Variants in ARNT observed in about 807,000 individuals in gnomAD.
ARNT encodes the protein class E basic helix-loop-helix protein 2.
A neutral mutation model predicts 105.0 loss-of-function variants in ARNT; 30 were observed. The ratio of observed to expected loss-of-function variants is 0.29; its 90% CI spans 0.21 to 0.39. The LOEUF is 0.39. Ranked by LOEUF, ARNT falls within the 10% of genes least tolerant of loss-of-function variation. The probability of loss-of-function intolerance (pLI) is 1.00; values close to 1 mark genes in which losing one functional copy is unlikely to be tolerated. For synonymous variants in ARNT, 304 were observed against 344.0 expected, an observed-to-expected ratio of 0.88 and a Z score of 1.29; for missense variants, 748 against 978.7, an observed-to-expected ratio of 0.76 and a Z score of 3.15.
At chr1:150,859,084 T>TAA (rs139536635) in intron 1 of ARNT, among the ~76,000 whole-genome samples, 1 of 151,440 alleles carries the variant, frequency 6.6e-6, no homozygotes, top group Non-Finnish European at 1.5e-5. Flanking sequence ...TATACTAATT[T>TAA]TAAAAAAATA....
chr1:150,828,640 C>T (rs747677643), intron 12 of ARNT, among the ~76,000 whole-genome samples: 29 of 152,040 alleles, frequency 1.9e-4, no homozygotes, highest in African/African-American at 3.1e-4. Flanking sequence ...GAAGTCCTTC[C>T]GACCCACAAC....
At position 150,839,600 on chromosome 1, in the gene ARNT, G is replaced by A. The variant is rs779385419; in HGVS notation, c.327C>T (p.Ile109=). The A allele has an allele frequency of 6.2e-6, 10 of 1,614,192 alleles. No homozygotes were observed. The highest frequency in any genetic ancestry group is 6.8e-6 in the Non-Finnish European group (8 of 1,180,032). Residue 109 remains isoleucine (I), a synonymous_variant, in exon 6 of 22, where the codon ATC becomes ATT. Coordinates refer to ENST00000358595, the MANE Select transcript of ARNT (RefSeq NM_001668.4). ...TGGGTACCATATCTGACAGTTCTGT[G>A]ATGTAGGCTGTCATCTTGTTCCGTC... ...RRRRNKMTAY[I]TELSDMVPTC...
At chr1:150,871,907 C>CA (rs776523588) in intron 1 of ARNT, among the ~76,000 whole-genome samples, 25,503 of 40,032 alleles carry the variant, frequency 0.64, 8,242 homozygotes, top group Middle Eastern at 0.82. Flanking sequence ...GACCCTGTCT[C>CA]AAAAAAAAAA....
At chr1:150,822,318 C>A (rs893966288) in intron 14 of ARNT, among the ~76,000 whole-genome samples, 10 of 152,106 alleles carry the variant, frequency 6.6e-5, no homozygotes, top group African/African-American at 2.4e-4. Flanking sequence ...CCCTAGGTAG[C>A]TTCAAGATGG....
chr1:150,813,646 T>A (rs1223315197), intron 20 of ARNT, among the ~76,000 whole-genome samples: 1 of 152,192 alleles, frequency 6.6e-6, no homozygotes, highest in African/African-American at 2.4e-5. Context: ...TTTTTTTTTT[T>A]ATTTTTTATT....
Position 150,852,763 on chromosome 1 carries a change from T to A in ARNT, c.181A>T (p.Arg61Trp), listed in dbSNP as rs1223087092. Residue 61 changes from arginine (R) to tryptophan (W), a missense_variant and splice_region_variant, in exon 3 of 22, where the codon AGG becomes TGG. By Grantham distance (101) the Arg-to-Trp change is moderately radical. Around this residue, in one of 4 missense-constraint regions of ARNT, gnomAD observed 93 missense variants for 101.6 expected, o/e 0.92. Coordinates refer to ENST00000358595, the MANE Select transcript of ARNT (RefSeq NM_001668.4). ...DDGEGNSKFL[R>W]CDDDQMSNDK... ...AAGGAAAGTTTTTCAGTCTCTTACC[T>A]CAAAAATTTACTGTTCCCTTCTCCA... 2 of 1,613,190 alleles carry A rather than the reference T, an allele frequency of 1.2e-6. No homozygotes were observed. The highest frequency in any genetic ancestry group is 1.7e-5 in the Admixed American group (1 of 59,910).
In ARNT at chr1:150,872,234, C is replaced by T. The variant is rs587723588; in HGVS notation, c.25+4309G>A. The stretch of plus-strand genomic sequence containing the variant: ...CGGCCTCCCAAAGGGATTAGAGGCA[C>T]GAGCCACCACACCTGGCCATAAAAG... On this transcript the variant is annotated intron_variant, in intron 1 of 21. Coordinates refer to ENST00000358595, the MANE Select transcript of ARNT (RefSeq NM_001668.4). Among the ~76,000 whole-genome samples the T allele has an allele frequency of 2.2e-4, 34 of 152,186 alleles. No homozygotes were observed. In the East Asian group the frequency reaches 5.0e-3, roughly 22 times the overall value.
At position 150,862,712 on chromosome 1, in the gene ARNT, T is replaced by TAAAA. The variant is rs56147665; in HGVS notation, c.26-4256_26-4253dup. Among the ~76,000 whole-genome samples, 147 of 66,576 alleles carry TAAAA rather than the reference T, an allele frequency of 2.2e-3. 1 individual carries two copies. Among genetic ancestry groups the TAAAA allele is most frequent in the African/African-American group, 3.8e-3 (62 of 16,470 alleles). 43.7% of individuals were successfully genotyped at this position (66,576 alleles called of 152,430 possible). ...GCAACATAGTGAGATCCTGCCTCTGTAAAAAAAAAAAAAAAAAAAAAAAAG... is the reference window on the plus strand; with the variant it reads ...GCAACATAGTGAGATCCTGCCTCTGTAAAAAAAAAAAAAAAAAAAAAAAAAAAAG... On this transcript the variant is annotated intron_variant, in intron 1 of 21. Transcript: ENST00000358595.
chr1:150,875,981 A>AGACGGG (rs1413034743), intron 1 of ARNT, among the ~76,000 whole-genome samples: 1 of 152,178 alleles, frequency 6.6e-6, no homozygotes, highest in Non-Finnish European at 1.5e-5. Context: ...CCGGGGACGG[A>AGACGGG]GACGGGGACG....
At chr1:150,839,377 A>C in intron 6 of ARNT, 64 bp downstream of exon 6, 1 of 1,569,690 alleles carries the variant, frequency 6.4e-7, no homozygotes, top group Non-Finnish European at 8.7e-7. Context: ...TTGTCCAAAA[A>C]ACGAAAACTT....
At chr1:150,859,545 T>G (rs1211787135) in intron 1 of ARNT, among the ~76,000 whole-genome samples, 2 of 151,464 alleles carry the variant, frequency 1.3e-5, no homozygotes, top group African/African-American at 4.9e-5. Context: ...TTTGTAGAGA[T>G]AGGGTCTCAC....
intron 1 of ARNT, among the ~76,000 whole-genome samples, chr1:150,875,995 G>A (rs72704663): frequency 6.6e-6 from 1 of 152,316 alleles, no homozygotes; most frequent in Non-Finnish European, 1.5e-5. Context: ...GGGGACGGGG[G>A]TTGCGGGTGG....
In ARNT at chr1:150,827,336, T is replaced by C. The variant is rs1053241078; in HGVS notation, c.1168-719A>G. On this transcript the variant is annotated intron_variant, in intron 12 of 21. Transcript: ENST00000358595. ...TGTGCCATCTGCAGTCAATCTCTGC[T>C]CCCACTCCAACTCCCCAGCCAACCA... 7.9e-5 allele frequency among the ~76,000 whole-genome samples: 12 copies of C among 152,306 alleles called. No homozygotes were observed. The South Asian group carries it at 2.3e-3, about 29-fold the overall frequency.
At position 150,811,034 on chromosome 1, in the gene ARNT, A is replaced by T. The variant is rs1364053816; in HGVS notation, c.*987T>A. On this transcript the variant is annotated 3_prime_UTR_variant, in exon 22 of 22. Coordinates refer to ENST00000358595, the MANE Select transcript of ARNT (RefSeq NM_001668.4). ...TGCAGAAATAACCTCTACAGAACACACATCATATGTGATTCTGACAGAAAA... is the reference window on the plus strand; with the variant it reads ...TGCAGAAATAACCTCTACAGAACACTCATCATATGTGATTCTGACAGAAAA... 1 of 231,488 alleles carries T rather than the reference A, an allele frequency of 4.3e-6. No homozygotes were observed. The highest frequency in any genetic ancestry group is 8.6e-6 in the Non-Finnish European group (1 of 116,702). 14.3% of individuals were successfully genotyped at this position (231,488 alleles called of 1,614,324 possible).
chr1:150,849,962 G>C (rs760350263), intron 3 of ARNT, among the ~76,000 whole-genome samples: 3 of 151,950 alleles, frequency 2.0e-5, no homozygotes, highest in Non-Finnish European at 2.9e-5. Context: ...TGAGGCACTA[G>C]AATCGCTTGA....
intron 1 of ARNT, among the ~76,000 whole-genome samples, chr1:150,868,709 G>A (rs1666986944): frequency 6.6e-6 from 1 of 151,768 alleles, no homozygotes; most frequent in South Asian, 2.1e-4. Context: ...AGACCATCCT[G>A]GCCAACATGG....
At chr1:150,867,245 T>C (rs1380687347) in intron 1 of ARNT, among the ~76,000 whole-genome samples, 3 of 149,736 alleles carry the variant, frequency 2.0e-5, no homozygotes, top group Non-Finnish European at 3.0e-5. Context: ...ATTACTCAAA[T>C]AGAGCTGGGC....
At chr1:150,851,084 C>A (rs1253815230) in intron 3 of ARNT, among the ~76,000 whole-genome samples, 2 of 151,216 alleles carry the variant, frequency 1.3e-5, no homozygotes, top group Non-Finnish European at 3.0e-5. Flanking sequence ...AGCCCCTCCG[C>A]CCCGCAGCCG....
chr1:150,855,794 C>T (rs1421019794), intron 2 of ARNT, among the ~76,000 whole-genome samples: 1 of 150,736 alleles, frequency 6.6e-6, no homozygotes, highest in African/African-American at 2.4e-5. Context: ...CCCAGCTACT[C>T]GGAGAACTGA....
Sources: allele counts gnomAD v4.1 joint callset (sites outside exome capture counted in the v4.1 genomes callset), GRCh38; gene constraint gnomAD v4.1.1; regional missense constraint gnomAD v4.1.1; transcripts MANE v1.5; gene names NCBI Gene and HGNC (gene_info 2026-07-23, HGNC 2026-07-21).